Variants in NTN1 observed in about 807,000 individuals in gnomAD.
The protein encoded by NTN1 is netrin 1, also known as netrin-1.
Under a neutral mutation model 54.2 loss-of-function variants are expected in NTN1, and 11 were observed. That is an observed-to-expected ratio of 0.20 (90% CI 0.13 to 0.34). NTN1 has a LOEUF of 0.34. NTN1 is among the 10% of genes least tolerant of loss of function. The probability of loss-of-function intolerance (pLI) is 1.00; values close to 1 mark genes in which losing one functional copy is unlikely to be tolerated. For missense variants in NTN1, 740 were observed against 893.1 expected (o/e 0.83, Z 2.18); for synonymous variants, 371 against 382.0 (o/e 0.97, Z 0.33).
At chr17:9,199,841 G>A (rs1031662150) in intron 5 of NTN1, among the ~76,000 whole-genome samples, 26 of 152,196 alleles carry the variant, frequency 1.7e-4, no homozygotes, top group African/African-American at 6.0e-4. Flanking sequence ...GGACATCTGC[G>A]GCCACCTGTC....
At chr17:9,176,399 G>A (rs1406753190) in intron 3 of NTN1, 1 of 152,320 alleles carries the variant, frequency 6.6e-6, no homozygotes, top group African/African-American at 2.4e-5. Flanking sequence ...GTCTGTGTCT[G>A]TGTATATTTC....
At chr17:9,213,532 G>A (rs1316099703) in intron 5 of NTN1, among the ~76,000 whole-genome samples, 4 of 152,222 alleles carry the variant, frequency 2.6e-5, no homozygotes, top group East Asian at 1.9e-4. Context: ...GGCATAAAAC[G>A]TTGGGTCTCC....
chr17:9,069,129 C>G (rs983278745), intron 2 of NTN1, among the ~76,000 whole-genome samples: 3 of 152,030 alleles, frequency 2.0e-5, no homozygotes, highest in Non-Finnish European at 2.9e-5. Context: ...GACTTCAGTA[C>G]CAGGAGCACT....
At chr17:9,179,772 C>T (rs545803432) in intron 3 of NTN1, 35 bp from the exon 4 acceptor site, 51 of 1,603,110 alleles carry the variant, frequency 3.2e-5, no homozygotes, top group Non-Finnish European at 4.2e-5. Flanking sequence ...GCCGCTTCCC[C>T]CTTGTCTGAC....
intron 2 of NTN1, among the ~76,000 whole-genome samples, chr17:9,117,376 C>T (rs903925410): frequency 3.3e-5 from 5 of 152,148 alleles, no homozygotes; most frequent in African/African-American, 7.2e-5. Flanking sequence ...GTTGGGCTTG[C>T]GCTCCTCAGA....
At chr17:9,007,309 C>T in the NTN1 span, among the ~76,000 whole-genome samples, 76,508 of 142,162 alleles carry the variant, frequency 0.54, 21,187 homozygotes, top group African/African-American at 0.77. Context: ...CTTTCTTTCC[C>T]TTCTTTTCCT....
At chr17:9,138,617 C>T (rs1372413836) in intron 2 of NTN1, among the ~76,000 whole-genome samples, 1 of 152,190 alleles carries the variant, frequency 6.6e-6, no homozygotes, top group Non-Finnish European at 1.5e-5. Context: ...CCGTCTGCAC[C>T]TACTTATTGG....
chr17:9,054,985 AAG>A (rs2091974583), intron 2 of NTN1, among the ~76,000 whole-genome samples: 1 of 152,176 alleles, frequency 6.6e-6, no homozygotes. Context: ...CGTTATGAAA[AAG>A]AGGAATAGGG....
At position 9,221,982 on chromosome 17, in the gene NTN1, C is replaced by T. The variant is rs1302554849; in HGVS notation, c.1486+740C>T. ...GGCAGGGGCTCTTCAGAATGGGGGA[C>T]GCAAATAGAAACCCTGAAAGCATTG... On this transcript the variant is annotated intron_variant, in intron 6 of 6. Transcript: ENST00000173229. This position sits in a 1 kb window ranked among gnomAD's most constrained non-coding sequence, Gnocchi z 4.5. 5.3e-5 allele frequency among the ~76,000 whole-genome samples: 8 copies of T among 152,162 alleles called. No homozygotes were observed. The highest frequency in any genetic ancestry group is 1.9e-4 in the East Asian group (1 of 5,192).
At chr17:9,018,025 G>C (rs1567690300), upstream of NTN1, among the ~76,000 whole-genome samples, 1 of 152,276 alleles carries the variant, frequency 6.6e-6, no homozygotes, top group East Asian at 1.9e-4. Context: ...CTTGATCTGG[G>C]CTGCTGTGTA....
intron 2 of NTN1, among the ~76,000 whole-genome samples, chr17:9,109,042 A>T (rs1172937817): frequency 6.6e-6 from 1 of 151,794 alleles, no homozygotes; most frequent in East Asian, 1.9e-4. Context: ...ACCCCCGGCT[A>T]ATTTTTGTAT....
rs990927958 is a variant in NTN1 at position 9,079,329 on chromosome 17, G to A, written c.1018+55938G>A. ...TGTGCATTCTGGAAGGTTTTTCAAT[G>A]TCTGAAACACTTCCTCCTCAGCTTT... On this transcript the variant is annotated intron_variant, in intron 2 of 6. Transcript: ENST00000173229. Among the ~76,000 whole-genome samples the A allele has an allele frequency of 2.0e-5, 3 of 152,188 alleles. No homozygotes were observed. The South Asian group carries it at 6.2e-4, about 32-fold the overall frequency.
chr17:9,146,603 C>T (rs909352876), intron 2 of NTN1, among the ~76,000 whole-genome samples: 6 of 131,220 alleles, frequency 4.6e-5, no homozygotes, highest in Non-Finnish European at 7.6e-5. Context: ...TCTTTAGACA[C>T]ACCCTGGGGG....
At chr17:9,064,372 G>A (rs1318758033) in intron 2 of NTN1, among the ~76,000 whole-genome samples, 2 of 152,138 alleles carry the variant, frequency 1.3e-5, no homozygotes, top group African/African-American at 4.8e-5. Context: ...GTGATGCCAA[G>A]CCTCTCTGTT....
At chr17:9,205,948 C>A (rs568178575) in intron 5 of NTN1, among the ~76,000 whole-genome samples, 2 of 152,248 alleles carry the variant, frequency 1.3e-5, no homozygotes, top group South Asian at 4.2e-4. Flanking sequence ...GGTGTAGACT[C>A]ATCACCATTC....
intron 5 of NTN1, among the ~76,000 whole-genome samples, chr17:9,214,639 A>G (rs28547877): frequency 0.03 from 4,515 of 152,234 alleles, 156 homozygotes; most frequent in African/African-American, 0.086. Flanking sequence ...TGGCTAACAC[A>G]GTGAAACCCC....
At chr17:9,137,180 A>G (rs2092283802) in intron 2 of NTN1, among the ~76,000 whole-genome samples, 2 of 151,982 alleles carry the variant, frequency 1.3e-5, no homozygotes, top group African/African-American at 4.8e-5. Context: ...ATTTCATCCT[A>G]TGTTGTCAGT....
At chr17:9,096,280 T>A (rs1222741723) in intron 2 of NTN1, among the ~76,000 whole-genome samples, 1 of 151,192 alleles carries the variant, frequency 6.6e-6, no homozygotes, top group African/African-American at 2.4e-5. Context: ...TATTGGTATA[T>A]ATGAAAGAAA....
At position 9,114,240 on chromosome 17, in the gene NTN1, A is replaced by G. The variant is rs1012928186; in HGVS notation, c.1019-48573A>G. On this transcript the variant is annotated intron_variant, in intron 2 of 6. Transcript: ENST00000173229. ...TTTATTGACTTAAAAGGAGTAAGGGAAAAAAAAGGAAGATTCAAGTGTAAG... is the reference window on the plus strand; with the variant it reads ...TTTATTGACTTAAAAGGAGTAAGGGGAAAAAAAGGAAGATTCAAGTGTAAG... 6.7e-4 allele frequency among the ~76,000 whole-genome samples: 98 copies of G among 146,440 alleles called. 1 individual carries two copies. Among genetic ancestry groups the G allele is most frequent in the African/African-American group, 2.2e-3 (88 of 40,186 alleles).
Sources: allele counts gnomAD v4.1 joint callset (sites outside exome capture counted in the v4.1 genomes callset), GRCh38; gene constraint gnomAD v4.1.1; non-coding constraint Gnocchi (gnomAD v3.1); transcripts MANE v1.5; gene names NCBI Gene and HGNC (gene_info 2026-07-23, HGNC 2026-07-21).